The following GOPC variants were observed in gnomAD, a reference collection of about 807,000 sequenced individuals.
The protein encoded by GOPC is Golgi-associated PDZ and coiled-coil motif-containing protein.
A neutral mutation model predicts 51.2 loss-of-function variants in GOPC; 32 were observed. The observed-to-expected ratio is 0.63, with a 90% CI of 0.47 to 0.84. GOPC has a LOEUF of 0.84. GOPC is among the 40% of genes least tolerant of loss of function. The probability of loss-of-function intolerance (pLI) is 0.00; values close to 1 mark genes in which losing one functional copy is unlikely to be tolerated. For missense variants in GOPC, 441 were observed against 555.5 expected (o/e 0.79, Z 2.07); for synonymous variants, 190 against 205.1 (o/e 0.93, Z 0.63).
In GOPC at chr6:117,563,374, C is replaced by A; in HGVS notation, c.1269G>T (p.Lys423Asn). 6.2e-7 allele frequency: 1 copy of A among 1,612,766 alleles called. No homozygotes were observed. The change falls in exon 9 of 9, where the codon AAG (lysine) becomes AAT (asparagine). Residue 423 changes from lysine (K) to asparagine (N), a missense_variant. Physicochemically the swap from Lys to Asn is moderately conservative, Grantham distance 94. Around this residue, in one of 3 missense-constraint regions of GOPC, gnomAD observed 71 missense variants for 68.8 expected, o/e 1.03. Coordinates refer to ENST00000368498, the MANE Select transcript of GOPC (RefSeq NM_020399.4). ...GEIKVLQGFNKKAVTDTHENG... is the reference protein window; with the variant it reads ...GEIKVLQGFNNKAVTDTHENG... ...TTTCATGTGTGTCAGTTACTGCCTT[C>A]TTATTAAATCCTGAAAGAAAGGAGA... is the stretch of plus-strand genomic sequence containing the variant.
intron 1 of GOPC, among the ~76,000 whole-genome samples, chr6:117,591,144 A>T (rs1036362042): frequency 6.6e-6 from 1 of 152,098 alleles, no homozygotes; most frequent in Non-Finnish European, 1.5e-5. Context: ...GAACCACCAC[A>T]CCCGGCCCCA....
intron 1 of GOPC, among the ~76,000 whole-genome samples, chr6:117,600,970 T>C: frequency 6.6e-6 from 1 of 152,184 alleles, no homozygotes; most frequent in East Asian, 1.9e-4. Flanking sequence ...TGCTGACCAC[T>C]AGGCAAGGAG....
At chr6:117,574,408 TAATA>T (rs952055422) in intron 4 of GOPC, among the ~76,000 whole-genome samples, 1 of 152,214 alleles carries the variant, frequency 6.6e-6, no homozygotes, top group Non-Finnish European at 1.5e-5. Context: ...ATAATTTACT[TAATA>T]AATACAGCAG....
intron 8 of GOPC, among the ~76,000 whole-genome samples, chr6:117,564,626 G>T (rs1035719739): frequency 2.0e-5 from 3 of 152,032 alleles, no homozygotes; most frequent in African/African-American, 7.2e-5. Flanking sequence ...TCAGTTAAAA[G>T]ATATATACAC....
chr6:117,578,139 G>A (rs1011154431), intron 2 of GOPC, among the ~76,000 whole-genome samples: 5 of 151,994 alleles, frequency 3.3e-5, no homozygotes, highest in African/African-American at 9.7e-5. Context: ...TATATTAAGA[G>A]CAAAAGAAAA....
intron 1 of GOPC, among the ~76,000 whole-genome samples, chr6:117,588,256 G>A (rs1427649698): frequency 6.6e-6 from 1 of 151,920 alleles, no homozygotes; most frequent in Non-Finnish European, 1.5e-5. Flanking sequence ...CAGAAAGCAT[G>A]GCTGGGGAGG....
intron 1 of GOPC, among the ~76,000 whole-genome samples, chr6:117,591,494 T>C (rs1456816402): frequency 6.6e-6 from 1 of 152,208 alleles, no homozygotes; most frequent in Non-Finnish European, 1.5e-5. Flanking sequence ...GTTCAAGGGC[T>C]TAGGGCAGCC....
At chr6:117,595,216 A>G (rs1199683680) in intron 1 of GOPC, among the ~76,000 whole-genome samples, 2 of 152,214 alleles carry the variant, frequency 1.3e-5, no homozygotes, top group African/African-American at 2.4e-5. Flanking sequence ...TATGGTGTCC[A>G]GCATATGGTA....
At chr6:117,578,724 A>C (rs1256432072) in intron 2 of GOPC, among the ~76,000 whole-genome samples, 176 bp downstream of exon 2, 1 of 152,000 alleles carries the variant, frequency 6.6e-6, no homozygotes, top group Non-Finnish European at 1.5e-5. Flanking sequence ...ATCACTGATT[A>C]TCTATAGGTG....
In GOPC at chr6:117,578,889, A is replaced by G; in HGVS notation, c.450+11T>C. On this transcript the variant is annotated intron_variant, in intron 2 of 8. Coordinates refer to ENST00000368498, the MANE Select transcript of GOPC (RefSeq NM_020399.4). ...TACATGCAAGGGCATGTCACTCTCT[A>G]AACTACTTACCAATTTTGCCTTAAT... 1 of 1,570,454 alleles carries G rather than the reference A, an allele frequency of 6.4e-7. No individual in the cohort carries two copies. The highest frequency in any genetic ancestry group is 8.6e-7 in the Non-Finnish European group (1 of 1,157,718).
intron 8 of GOPC, among the ~76,000 whole-genome samples, chr6:117,565,893 T>C (rs947133203): frequency 1.3e-5 from 2 of 152,196 alleles, no homozygotes; most frequent in Non-Finnish European, 2.9e-5. Context: ...TTATGTACTT[T>C]CCCTTGAAAC....
chr6:117,586,072 T>A (rs1780028154), intron 1 of GOPC, among the ~76,000 whole-genome samples: 1 of 152,242 alleles, frequency 6.6e-6, no homozygotes, highest in Non-Finnish European at 1.5e-5. Flanking sequence ...ACCTTTTAAA[T>A]ATCTGTATTC....
Position 117,602,076 on chromosome 6 carries a change from G to C in GOPC, c.213C>G (p.Thr71=). 6.2e-7 allele frequency: 1 copy of C among 1,614,130 alleles called. No homozygotes were observed. Among genetic ancestry groups the C allele is most frequent in the Non-Finnish European group, 8.5e-7 (1 of 1,180,028 alleles). The part of the protein sequence containing the change: ...DITYEGRQKM[T]SLSSCFAQLC... ...GCTGTGCAAAGCAGGAGCTCAGGCT[G>C]GTCATCTTCTGTCGCCCCTCATAAG... Residue 71 remains threonine, a synonymous_variant, in exon 1 of 9, where the codon ACC becomes ACG. Coordinates refer to ENST00000368498, the MANE Select transcript of GOPC (RefSeq NM_020399.4).
intron 1 of GOPC, among the ~76,000 whole-genome samples, chr6:117,595,355 G>A (rs1241958973): frequency 6.6e-6 from 1 of 152,134 alleles, no homozygotes; most frequent in Non-Finnish European, 1.5e-5. Flanking sequence ...GCCTCACAAT[G>A]GAAAGGAACT....
intron 1 of GOPC, among the ~76,000 whole-genome samples, chr6:117,588,909 C>T (rs1339531547): frequency 1.3e-5 from 2 of 151,742 alleles, no homozygotes; most frequent in Admixed American, 6.6e-5. Flanking sequence ...TTGACTTAGA[C>T]CTTCTGAAAA....
chr6:117,596,192 C>T lies in GOPC; in HGVS notation c.285+5812G>A, dbSNP rs192400885. Among the ~76,000 whole-genome samples the T allele has an allele frequency of 9.7e-4, 147 of 152,048 alleles. 1 individual carries two copies. Among genetic ancestry groups the T allele is most frequent in the African/African-American group, 3.3e-3 (135 of 41,482 alleles). ...TCATGTTTGTTGGCCATTTGTGTAT[C>T]TTCTTTAGAGAATTATCTATTCATG... is the stretch of plus-strand genomic sequence containing the variant. On this transcript the variant is annotated intron_variant, in intron 1 of 8. Coordinates refer to ENST00000368498, the MANE Select transcript of GOPC (RefSeq NM_020399.4).
chr6:117,577,540 G>A (rs1779900878), intron 2 of GOPC, 69 bp from the exon 3 acceptor site: 8 of 1,248,270 alleles, frequency 6.4e-6, no homozygotes, highest in Non-Finnish European at 9.0e-6. Flanking sequence ...TAGTGGTATA[G>A]TCATTATAAG....
chr6:117,596,095 C>A (rs1562148921), intron 1 of GOPC, among the ~76,000 whole-genome samples: 1 of 152,006 alleles, frequency 6.6e-6, no homozygotes, highest in African/African-American at 2.4e-5. Flanking sequence ...GCCATTCTTG[C>A]AGGAGTAAGG....
intron 3 of GOPC, among the ~76,000 whole-genome samples, chr6:117,577,123 A>C (rs769366805): frequency 6.6e-6 from 1 of 152,118 alleles, no homozygotes; most frequent in South Asian, 2.1e-4. Context: ...CCTGCTTGAT[A>C]TATCTTCAAT....
Sources: gnomAD v4.1 joint callset for allele counts (sites outside exome capture counted in the v4.1 genomes callset) on GRCh38, gnomAD v4.1.1 for gene constraint, gnomAD v4.1.1 regional missense constraint, MANE v1.5 for transcripts, NCBI Gene and HGNC (gene_info 2026-07-23, HGNC 2026-07-21) for gene names.